EPC2: variants seen among roughly 807,000 people sequenced by gnomAD.
EPC2 encodes enhancer of polycomb homolog 2.
A neutral mutation model predicts 92.1 loss-of-function variants in EPC2; 14 were observed. The observed-to-expected ratio is 0.15, with a 90% CI of 0.10 to 0.24. EPC2 has a LOEUF of 0.24. EPC2 is among the 10% of genes least tolerant of loss of function. The probability of loss-of-function intolerance (pLI) is 1.00; values close to 1 mark genes in which losing one functional copy is unlikely to be tolerated. For synonymous variants in EPC2, 340 were observed against 334.7 expected (o/e 1.02, Z -0.17); for missense variants, 755 against 971.5 (o/e 0.78, Z 2.96).
chr2:148,742,521 GGCAGACAGATCGCTTGAGCCCAGGAGTT>G lies in EPC2; in HGVS notation c.314-1072_314-1045del, dbSNP rs1190132290. 6.6e-5 allele frequency among the ~76,000 whole-genome samples: 10 copies of G among 152,214 alleles called. No individual in the cohort carries two copies. The East Asian group carries it at 7.7e-4, about 12-fold the overall frequency. On this transcript the variant is annotated intron_variant, in intron 2 of 13. Transcript: ENST00000258484. ...TAATCCCAGCAGTTTGGAAGGCCGAGGCAGACAGATCGCTTGAGCCCAGGAGTTGCAGACAGATCGCTTGAGCCCAGGA... is the reference window on the plus strand; with the variant it reads ...TAATCCCAGCAGTTTGGAAGGCCGAGGCAGACAGATCGCTTGAGCCCAGGA...
intron 6 of EPC2, 96 bp from the exon 7 acceptor site, chr2:148,764,859 A>T: frequency 1.1e-6 from 1 of 941,884 alleles, no homozygotes; most frequent in Non-Finnish European, 1.4e-6. Context: ...CCTCCTGGGT[A>T]AAAATGTATG....
At chr2:148,660,927 C>G (rs897498621) in intron 1 of EPC2, among the ~76,000 whole-genome samples, 2 of 151,378 alleles carry the variant, frequency 1.3e-5, no homozygotes, top group African/African-American at 2.4e-5. Context: ...ATTGTTTTAT[C>G]TTTTCAAAGA....
At chr2:148,688,212 A>G (rs933342444) in intron 1 of EPC2, among the ~76,000 whole-genome samples, 12 of 152,220 alleles carry the variant, frequency 7.9e-5, no homozygotes, top group Admixed American at 5.2e-4. Flanking sequence ...CATATGCACC[A>G]TGGAATACTA....
Position 148,645,103 on chromosome 2 carries a change from ACGACTG to A in EPC2, c.89_94del (p.Asp30_Cys31del). On this transcript the variant is annotated inframe_deletion, in exon 1 of 14. Transcript: ENST00000258484. ...CGCGGCAAGGACATGCCTGATCTCAACGACTGCGTCTCCATCAACCGGGCCGTGCCC... is the reference window on the plus strand; with the variant it reads ...CGCGGCAAGGACATGCCTGATCTCAACGTCTCCATCAACCGGGCCGTGCCC... 6.2e-7 allele frequency: 1 copy of A among 1,603,920 alleles called. No individual in the cohort carries two copies. The highest frequency in any genetic ancestry group is 8.5e-7 in the Non-Finnish European group (1 of 1,174,980).
chr2:148,743,589 C>A, intron 2 of EPC2, 33 bp from the exon 3 acceptor site: 1 of 1,479,888 alleles, frequency 6.8e-7, no homozygotes, highest in South Asian at 1.4e-5. Flanking sequence ...CATAATTTCT[C>A]CTGAGTTTGA....
chr2:148,676,211 CTT>C (rs566345657), intron 1 of EPC2, among the ~76,000 whole-genome samples: 1 of 151,454 alleles, frequency 6.6e-6, no homozygotes, highest in East Asian at 1.9e-4. Context: ...TGTATAATGT[CTT>C]TACAGAAACT....
chr2:148,654,804 G>A (rs1680758110), intron 1 of EPC2, among the ~76,000 whole-genome samples: 1 of 152,154 alleles, frequency 6.6e-6, no homozygotes, highest in Admixed American at 6.5e-5. Context: ...AAAATTTTTT[G>A]CTAAGAGAAC....
intron 1 of EPC2, among the ~76,000 whole-genome samples, chr2:148,646,538 C>A (rs1683805237): frequency 6.6e-6 from 1 of 151,160 alleles, no homozygotes; most frequent in African/African-American, 2.4e-5. Context: ...TGTTTATAAT[C>A]AAAACCCAGC....
chr2:148,765,219 T>C (rs1683386514), intron 7 of EPC2, 73 bp downstream of exon 7: 15 of 1,099,184 alleles, frequency 1.4e-5, no homozygotes, highest in Non-Finnish European at 1.9e-5. Flanking sequence ...AAACAATTGC[T>C]ATCTTAGAGT....
intron 1 of EPC2, among the ~76,000 whole-genome samples, chr2:148,659,485 T>G (rs1477651135): frequency 6.6e-6 from 1 of 152,160 alleles, no homozygotes; most frequent in East Asian, 1.9e-4. Flanking sequence ...TGATGTGAAA[T>G]GCAGAATTTT....
intron 2 of EPC2, among the ~76,000 whole-genome samples, chr2:148,706,835 G>A (rs1558815490): frequency 6.6e-6 from 1 of 152,132 alleles, no homozygotes; most frequent in Non-Finnish European, 1.5e-5. Context: ...CCGTACAAGA[G>A]CTCCTGAAGG....
chr2:148,750,155 A>G (rs1292450788), intron 3 of EPC2, among the ~76,000 whole-genome samples: 1 of 151,944 alleles, frequency 6.6e-6, no homozygotes, highest in Non-Finnish European at 1.5e-5. Context: ...TTTGTGGTTC[A>G]ATGTGGGTTG....
At chr2:148,781,852 A>T in intron 11 of EPC2, 72 bp downstream of exon 11, 1 of 1,556,638 alleles carries the variant, frequency 6.4e-7, no homozygotes, top group Non-Finnish European at 8.8e-7. Flanking sequence ...ATTTTAGTCA[A>T]GTCACAGAAG....
chr2:148,693,183 G>T (rs182767129), intron 2 of EPC2, among the ~76,000 whole-genome samples: 2 of 152,118 alleles, frequency 1.3e-5, no homozygotes, highest in Admixed American at 6.5e-5. Context: ...AGCCTTTAAG[G>T]AGTTTCAGAA....
At chr2:148,690,519 C>T (rs1681624981) in intron 2 of EPC2, 146 bp downstream of exon 2, 2 of 742,510 alleles carry the variant, frequency 2.7e-6, no homozygotes, top group Non-Finnish European at 4.1e-6. Context: ...TAAAATCCCT[C>T]TGTGCTTACA....
chr2:148,677,803 G>A (rs1056659314), intron 1 of EPC2, among the ~76,000 whole-genome samples: 2 of 151,836 alleles, frequency 1.3e-5, no homozygotes, highest in Non-Finnish European at 2.9e-5. Context: ...CTCTTAAGGC[G>A]GCGCATCTGG....
intron 1 of EPC2, chr2:148,645,465 C>G: frequency 5.5e-6 from 2 of 363,538 alleles, no homozygotes; most frequent in Non-Finnish European, 1.0e-5. Flanking sequence ...ATGCGCTGGC[C>G]GCTCTTGGCG....
intron 2 of EPC2, among the ~76,000 whole-genome samples, chr2:148,732,946 C>CTTTTTT (rs147569199): frequency 2.4e-5 from 2 of 83,828 alleles, no homozygotes; most frequent in Admixed American, 1.6e-4. Flanking sequence ...GTGAATAGCT[C>CTTTTTT]TTTTTTTTTT....
At chr2:148,723,321 A>G (rs534915681) in intron 2 of EPC2, among the ~76,000 whole-genome samples, 1 of 152,214 alleles carries the variant, frequency 6.6e-6, no homozygotes, top group Non-Finnish European at 1.5e-5. Flanking sequence ...ATTCACTGTG[A>G]GAACATGGTT....
Sources: allele counts gnomAD v4.1 joint callset (sites outside exome capture counted in the v4.1 genomes callset), GRCh38; gene constraint gnomAD v4.1.1; transcripts MANE v1.5; gene names NCBI Gene and HGNC (gene_info 2026-07-23, HGNC 2026-07-21).